The following PCDHA4 variants were observed in gnomAD, a reference collection of about 807,000 sequenced individuals.
PCDHA4 encodes the protein protocadherin alpha 4.
Under a neutral mutation model 61.4 loss-of-function variants are expected in PCDHA4, and 49 were observed. The observed-to-expected ratio is 0.80, with a 90% CI of 0.63 to 1.01. PCDHA4 has a LOEUF of 1.01. Among genes scored for constraint, PCDHA4 ranks in the 50% least tolerant of loss-of-function variants. The pLI, the probability that PCDHA4 is intolerant of heterozygous loss-of-function variation, is 0.00. For missense variants in PCDHA4, 1,254 were observed against 1,235.8 expected, an observed-to-expected ratio of 1.01 and a Z score of -0.22; for synonymous variants, 590 against 550.3, an observed-to-expected ratio of 1.07 and a Z score of -1.01.
chr5:140,930,466 T>C (rs2086864823), intron 1 of PCDHA4: 1 of 152,352 alleles, frequency 6.6e-6, no homozygotes. Context: ...CAAGTGATCC[T>C]CCCACCTAGG....
At chr5:140,952,352 A>G (rs2094730295) in intron 1 of PCDHA4, among the ~76,000 whole-genome samples, 1 of 103,372 alleles carries the variant, frequency 9.7e-6, no homozygotes, top group Non-Finnish European at 2.0e-5. Flanking sequence ...AAAAAAAAAA[A>G]AAGAAAGAAA....
chr5:140,928,149 T>C, intron 1 of PCDHA4: 2 of 1,614,194 alleles, frequency 1.2e-6, no homozygotes, highest in Non-Finnish European at 8.5e-7. Flanking sequence ...CGGCCTCAGA[T>C]AGTGGCTCAC....
intron 1 of PCDHA4, chr5:140,883,969 G>C: frequency 6.2e-7 from 1 of 1,612,962 alleles, no homozygotes; most frequent in Non-Finnish European, 8.5e-7. Context: ...CGCTGCTGAC[G>C]CCCGGGGCTG....
At chr5:140,923,343 T>G (rs1251719779) in intron 1 of PCDHA4, among the ~76,000 whole-genome samples, 1 of 152,122 alleles carries the variant, frequency 6.6e-6, no homozygotes, top group African/African-American at 2.4e-5. Flanking sequence ...TTGGGCAACA[T>G]AGTGGGACCC....
Position 140,968,052 on chromosome 5 carries a change from G to A in PCDHA4, c.2386-10897G>A, listed in dbSNP as rs990784546. ...CTGGTGGTGAGCGGCCCACTGGACC[G>A]AGAGCGGGTGGCTGTCTACAACATC... On this transcript the variant is annotated intron_variant, in intron 1 of 3. Transcript: ENST00000530339. The A allele has an allele frequency of 5.0e-6, 8 of 1,614,014 alleles. No homozygotes were observed. In the Admixed American group the frequency reaches 5.0e-5, roughly 10 times the overall value.
rs1439259875 is a variant in PCDHA4 at position 141,011,882 on chromosome 5, GATTA to G, written c.*1950_*1953del. On this transcript the variant is annotated 3_prime_UTR_variant, in exon 4 of 4. Coordinates refer to ENST00000530339, the MANE Select transcript of PCDHA4 (RefSeq NM_018907.4). ...GTTATAATGTACAATTTAGAAGTTTGATTAATTATATTATCTATTTAGGCATTAA... is the reference window on the plus strand; with the variant it reads ...GTTATAATGTACAATTTAGAAGTTTGATTATATTATCTATTTAGGCATTAA... 2.0e-5 allele frequency: 3 copies of G among 153,360 alleles called. No homozygotes were observed. Among genetic ancestry groups the G allele is most frequent in the Non-Finnish European group, 4.4e-5 (3 of 68,010 alleles). 9.5% of individuals were successfully genotyped at this position (153,360 alleles called of 1,614,324 possible).
At chr5:140,863,248 G>T (rs782700291) in intron 1 of PCDHA4, 54 of 1,395,948 alleles carry the variant, frequency 3.9e-5, no homozygotes, top group Middle Eastern at 1.9e-4. Flanking sequence ...TTTGGCGGGC[G>T]TCGAGGTCCG....
chr5:140,839,383 G>C (rs200307004), intron 1 of PCDHA4, among the ~76,000 whole-genome samples: 4 of 150 alleles, frequency 0.027, no homozygotes, highest in Non-Finnish European at 0.042. Flanking sequence ...CAATTATTAT[G>C]ATGATGATGA....
intron 1 of PCDHA4, chr5:140,966,545 G>A: frequency 2.1e-6 from 1 of 465,980 alleles, no homozygotes; most frequent in Non-Finnish European, 3.7e-6. Context: ...CGACTCGGAG[G>A]CGAGCGGAGG....
chr5:140,837,159 G>C (rs2150273625), intron 1 of PCDHA4: 152,415 of 152,748 alleles, frequency 1, 76,046 homozygotes, highest in East Asian at 1. Flanking sequence ...ATAAAATATA[G>C]CTGTGTCAAA....
chr5:140,894,574 T>C (rs997238240), intron 1 of PCDHA4, among the ~76,000 whole-genome samples: 2 of 152,002 alleles, frequency 1.3e-5, no homozygotes, highest in African/African-American at 2.4e-5. Context: ...TTTTCCTTTT[T>C]TTTAATATTT....
intron 1 of PCDHA4, among the ~76,000 whole-genome samples, chr5:140,846,899 G>C (rs1467699891): frequency 6.7e-6 from 1 of 149,660 alleles, no homozygotes; most frequent in Admixed American, 6.7e-5. Context: ...CGTTGAAGTT[G>C]AAAGACAATC....
intron 1 of PCDHA4, chr5:140,870,834 C>G: frequency 6.2e-7 from 1 of 1,613,806 alleles, no homozygotes; most frequent in Non-Finnish European, 8.5e-7. Context: ...GCGCAGTTAA[C>G]AAGCTAGTAC....
At position 140,855,615 on chromosome 5, in the gene PCDHA4, G is replaced by A. The variant is rs533931974; in HGVS notation, c.2385+46043G>A. On this transcript the variant is annotated intron_variant, in intron 1 of 3. Coordinates refer to ENST00000530339, the MANE Select transcript of PCDHA4 (RefSeq NM_018907.4). ...ACTCAGTAGTATGCAAATATTAAGG[G>A]CATTTTGAAATTCGGCTATTGATAA... Among the ~76,000 whole-genome samples, 21 of 149,700 alleles carry A rather than the reference G, an allele frequency of 1.4e-4. 1 individual carries two copies. Among genetic ancestry groups the A allele is most frequent in the African/African-American group, 5.1e-4 (21 of 40,910 alleles).
Position 140,914,628 on chromosome 5 carries a change from G to A in PCDHA4, c.2386-64321G>A, listed in dbSNP as rs540654869. 1.3e-4 allele frequency among the ~76,000 whole-genome samples: 19 copies of A among 151,834 alleles called. No homozygotes were observed. The South Asian group carries it at 1.7e-3, about 13-fold the overall frequency. ...CTGCCATTTTGTAATTTGTTTTCTC[G>A]TGGTTTCATGGTCATCTCTCCCTTC... is the stretch of plus-strand genomic sequence containing the variant. On this transcript the variant is annotated intron_variant, in intron 1 of 3. Transcript: ENST00000530339.
intron 1 of PCDHA4, among the ~76,000 whole-genome samples, chr5:140,833,579 G>A (rs1397865134): frequency 6.6e-6 from 1 of 152,168 alleles, no homozygotes; most frequent in East Asian, 1.9e-4. Context: ...ATGAACTCCT[G>A]AAACAGTATA....
At chr5:140,871,055 A>T (rs782721683) in intron 1 of PCDHA4, 9 of 1,613,326 alleles carry the variant, frequency 5.6e-6, no homozygotes, top group African/African-American at 2.7e-5. Context: ...GTACTGGTGA[A>T]GGATCACGGT....
rs782290145 is a variant in PCDHA4, at chr5:140,808,714, G to A, written c.1527G>A (p.Ser509=). 3.7e-6 allele frequency: 6 copies of A among 1,612,100 alleles called. No individual in the cohort carries two copies. The highest frequency in any genetic ancestry group is 1.3e-5 in the African/African-American group (1 of 74,964). The change falls in exon 1 of 4, where the codon TCG becomes TCA. Residue 509 remains serine, a synonymous_variant. Coordinates refer to ENST00000530339, the MANE Select transcript of PCDHA4 (RefSeq NM_018907.4). Reference sequence around the variant, plus strand: ...AGCGCGCGCTGTCGAGCTACGTTTCGGTGCATGCGGAGAGCGGCAAGGTGT... The same window carrying A: ...AGCGCGCGCTGTCGAGCTACGTTTCAGTGCATGCGGAGAGCGGCAAGGTGT... ...VGERALSSYV[S]VHAESGKVYA...
chr5:140,911,052 G>T (rs1172408042), intron 1 of PCDHA4, among the ~76,000 whole-genome samples: 1 of 152,044 alleles, frequency 6.6e-6, no homozygotes, highest in Non-Finnish European at 1.5e-5. Context: ...AGGGGTGGTG[G>T]GGGGTGGGTC....
Sources: gnomAD v4.1 joint callset for allele counts (sites outside exome capture counted in the v4.1 genomes callset) on GRCh38, gnomAD v4.1.1 for gene constraint, MANE v1.5 for transcripts, NCBI Gene and HGNC (gene_info 2026-07-23, HGNC 2026-07-21) for gene names.